SERPINA5: variants seen among roughly 807,000 people sequenced by gnomAD.
SERPINA5 encodes the protein serpin family A member 5.
In SERPINA5, 25 loss-of-function variants were observed where a neutral mutation model predicts 25.3. That is an observed-to-expected ratio of 0.99 (90% CI 0.72 to 1.38). The LOEUF (loss-of-function observed/expected upper bound fraction) is 1.38. SERPINA5 is among the 40% of genes most tolerant of loss of function. The pLI is 0.00. For synonymous variants in SERPINA5, 234 were observed against 206.2 expected (o/e 1.14, Z -1.16); for missense variants, 599 against 509.5 (o/e 1.18, Z -1.69).
In SERPINA5 at chr14:94,587,406, A is replaced by G; in HGVS notation, c.44A>G (p.Gln15Arg). 1 of 1,613,578 alleles carries G rather than the reference A, an allele frequency of 6.2e-7. No individual in the cohort carries two copies. Among genetic ancestry groups the G allele is most frequent in the Non-Finnish European group, 8.5e-7 (1 of 1,179,758 alleles). Residue 15 changes from glutamine (Q) to arginine (R), a missense_variant, in exon 3 of 6, where the codon CAG (glutamine) becomes CGG (arginine). Gln to Arg is a conservative substitution (Grantham distance 43, BLOSUM62 1). Transcript: ENST00000329597. ...TTGTGCCTGGTGCTTCTCAGCCCTC[A>G]GGGGGCCTCCCTTCACCGCCACCAC... The part of the protein sequence containing the change: ...LLLCLVLLSP[Q>R]GASLHRHHPR...
rs536762387 is a variant in SERPINA5 at position 94,592,950 on chromosome 14, T to C, written c.*711T>C. The C allele has an allele frequency of 6.6e-6, 1 of 152,334 alleles. No homozygotes were observed. Among genetic ancestry groups the C allele is most frequent in the South Asian group, 2.1e-4 (1 of 4,822 alleles). 9.4% of individuals were successfully genotyped at this position (152,334 alleles called of 1,614,324 possible). On this transcript the variant is annotated 3_prime_UTR_variant, in exon 6 of 6. Transcript: ENST00000329597. ...GGATATCAAGGTGGAAATGGCCCAT[T>C]TAATGATTGATTATATCATTTTGTG...
rs759289438 is a variant in SERPINA5, at chr14:94,590,128, T to A, written c.707T>A (p.Met236Lys). The change falls in exon 4 of 6, where the codon ATG becomes AAG. Residue 236 changes from methionine (M) to lysine (K), a missense_variant. By Grantham distance (95) the Met-to-Lys change is moderately conservative. Coordinates refer to ENST00000329597, the MANE Select transcript of SERPINA5 (RefSeq NM_000624.6). Reference protein sequence around the residue: ...TSETVVRVPMMSREDQYHYLL... With the variant: ...TSETVVRVPMKSREDQYHYLL... ...GAGACTGTGGTGCGGGTACCCATGA[T>A]GAGCCGCGAGGATCAGTATCACTAC... 5 of 1,614,118 alleles carry A rather than the reference T, an allele frequency of 3.1e-6. No individual in the cohort carries two copies. In the East Asian group the frequency reaches 1.1e-4, roughly 36 times the overall value.
rs1885343549 is a variant in SERPINA5, at chr14:94,592,636, A to G, written c.*397A>G. On this transcript the variant is annotated 3_prime_UTR_variant, in exon 6 of 6. Transcript: ENST00000329597. Reference sequence around the variant, plus strand: ...GAGGGCCACCAGGAAGCACAGGTCCAAGGCTGGTCCCACACTTATCAGCAG... The same window carrying G: ...GAGGGCCACCAGGAAGCACAGGTCCGAGGCTGGTCCCACACTTATCAGCAG... The G allele has an allele frequency of 5.7e-6, 1 of 175,980 alleles. No homozygotes were observed. The highest frequency in any genetic ancestry group is 2.4e-5 in the African/African-American group (1 of 42,206). 10.9% of individuals were successfully genotyped at this position (175,980 alleles called of 1,614,324 possible).
intron 4 of SERPINA5, 90 bp from the exon 5 acceptor site, chr14:94,590,659 T>A: frequency 7.0e-7 from 1 of 1,421,068 alleles, no homozygotes; most frequent in South Asian, 1.4e-5. Flanking sequence ...CCATCAAAAC[T>A]AAGAATCCAG....
chr14:94,590,579 C>T (rs1036830941), intron 4 of SERPINA5, 170 bp from the exon 5 acceptor site: 7 of 855,716 alleles, frequency 8.2e-6, no homozygotes, highest in South Asian at 6.2e-5. Flanking sequence ...AGGGGAGGCT[C>T]ATCCTAGAAA....
rs146776179 is a variant in SERPINA5 at position 94,582,169 on chromosome 14, T to C, written c.-18+459T>C. On this transcript the variant is annotated intron_variant, in intron 2 of 5. Coordinates refer to ENST00000329597, the MANE Select transcript of SERPINA5 (RefSeq NM_000624.6). ...GAAGGACAGTAACAATTTGGCAGTT[T>C]GTTAAATGAACAAAATGTAGAAATA... The C allele has an allele frequency of 2.6e-3, 396 of 152,374 alleles. 3 individuals are homozygous for C. Among genetic ancestry groups the C allele is most frequent in the African/African-American group, 9.3e-3 (388 of 41,592 alleles). 9.4% of individuals were successfully genotyped at this position (152,374 alleles called of 1,614,324 possible).
rs148784904 is a variant in SERPINA5 at position 94,584,974 on chromosome 14, G to A, written c.-17-2372G>A. ...TGGGAACAGGTAGGGAGTGTCAGTG[G>A]GGGGAAGCCCAGACTCTGCTCACTC... On this transcript the variant is annotated intron_variant, in intron 2 of 5. Coordinates refer to ENST00000329597, the MANE Select transcript of SERPINA5 (RefSeq NM_000624.6). Among the ~76,000 whole-genome samples, 1,165 of 152,292 alleles carry A rather than the reference G, an allele frequency of 7.6e-3. 9 individuals carry two copies. Among genetic ancestry groups the A allele is most frequent in the Non-Finnish European group, 0.012 (783 of 68,012 alleles).
chr14:94,590,618 G>A (rs1885247385), intron 4 of SERPINA5, 131 bp from the exon 5 acceptor site: 1 of 1,072,536 alleles, frequency 9.3e-7, no homozygotes, highest in East Asian at 2.5e-5. Flanking sequence ...AACCACCATT[G>A]TTCCTTGGGT....
At chr14:94,586,744 G>A (rs745579459) in intron 2 of SERPINA5, 19 of 152,310 alleles carry the variant, frequency 1.2e-4, no homozygotes, top group Non-Finnish European at 2.2e-4. Flanking sequence ...GGACAAGGGT[G>A]GCATGGAGCA....
chr14:94,592,368 T>C lies in SERPINA5; in HGVS notation c.*129T>C. The C allele has an allele frequency of 4.4e-6, 4 of 899,634 alleles. No homozygotes were observed. Among genetic ancestry groups the C allele is most frequent in the South Asian group, 1.7e-5 (1 of 58,598 alleles). 55.7% of individuals were successfully genotyped at this position (899,634 alleles called of 1,614,324 possible). A position where few individuals can be genotyped will look rare whatever the true frequency, so the allele number is the denominator to read the frequency against. The stretch of plus-strand genomic sequence containing the variant: ...TTGACTAATGAGGCATTACAAATAA[T>C]ATTACTCTATGATGATTGCTTCCAC... On this transcript the variant is annotated 3_prime_UTR_variant, in exon 6 of 6. Coordinates refer to ENST00000329597, the MANE Select transcript of SERPINA5 (RefSeq NM_000624.6).
chr14:94,588,065 T>G, intron 3 of SERPINA5, 84 bp downstream of exon 3: 1 of 1,506,082 alleles, frequency 6.6e-7, no homozygotes, highest in South Asian at 1.3e-5. Flanking sequence ...CTCACATACA[T>G]AAAAGACGGG....
At position 94,592,155 on chromosome 14, in the gene SERPINA5, T is replaced by G; in HGVS notation, c.1137T>G (p.Ser379=). 6.2e-7 allele frequency: 1 copy of G among 1,614,186 alleles called. No individual in the cohort carries two copies. The highest frequency in any genetic ancestry group is 8.5e-7 in the Non-Finnish European group (1 of 1,180,022). ...CTTTCAGGTCGGCCCGCCTGAACTC[T>G]CAGAGGCTAGTGTTCAACAGGCCCT... ...IFTFRSARLN[S]QRLVFNRPFL... The change falls in exon 6 of 6, where the codon TCT becomes TCG. Residue 379 remains serine, a synonymous_variant. Coordinates refer to ENST00000329597, the MANE Select transcript of SERPINA5 (RefSeq NM_000624.6).
chr14:94,592,025 T>C, intron 5 of SERPINA5, 32 bp from the exon 6 acceptor site: 2 of 1,594,706 alleles, frequency 1.3e-6, no homozygotes, highest in Non-Finnish European at 1.7e-6. Flanking sequence ...CTGCCCCTAG[T>C]GGCCTGGTGA....
chr14:94,590,377 C>T (rs1430745896), intron 4 of SERPINA5, 66 bp downstream of exon 4: 1 of 1,515,368 alleles, frequency 6.6e-7, no homozygotes, highest in East Asian at 2.3e-5. Context: ...ACACGCCCTA[C>T]CAGGGCCACA....
chr14:94,583,330 A>G (rs58477040), intron 2 of SERPINA5, among the ~76,000 whole-genome samples: 44,933 of 152,116 alleles, frequency 0.3, 6,911 homozygotes, highest in South Asian at 0.34. Flanking sequence ...TGGGGGCAGT[A>G]AGAAAGCCAG....
chr14:94,587,303 A>C (rs561518825), intron 2 of SERPINA5, 43 bp from the exon 3 acceptor site: 1 of 1,516,806 alleles, frequency 6.6e-7, no homozygotes, highest in Non-Finnish European at 8.8e-7. Context: ...CAGCACCTGG[A>C]CCAGCTCCAC....
intron 2 of SERPINA5, among the ~76,000 whole-genome samples, chr14:94,583,010 G>A (rs1884962396): frequency 6.6e-6 from 1 of 152,178 alleles, no homozygotes; most frequent in African/African-American, 2.4e-5. Context: ...CCCAGAGTTA[G>A]GACAGAACTT....
At chr14:94,591,584 A>ATTCTATTC (rs1885300822) in intron 5 of SERPINA5, among the ~76,000 whole-genome samples, 2 of 149,824 alleles carry the variant, frequency 1.3e-5, no homozygotes, top group African/African-American at 5.0e-5. Flanking sequence ...ATTCTATTCT[A>ATTCTATTC]TTCTATTCTA....
chr14:94,591,916 A>G, intron 5 of SERPINA5, 141 bp from the exon 6 acceptor site: 1 of 912,696 alleles, frequency 1.1e-6, no homozygotes, highest in South Asian at 1.6e-5. Flanking sequence ...TAGCTGCTCC[A>G]TTGTTCCATT....
Sources: gnomAD v4.1 joint callset for allele counts (sites outside exome capture counted in the v4.1 genomes callset) on GRCh38, gnomAD v4.1.1 for gene constraint, MANE v1.5 for transcripts, NCBI Gene and HGNC (gene_info 2026-07-23, HGNC 2026-07-21) for gene names.